The following MTMR8 variants were observed in gnomAD, a reference collection of about 807,000 sequenced individuals.
MTMR8 encodes the protein phosphatidylinositol-3,5-bisphosphate 3-phosphatase MTMR8.
In MTMR8, 65 loss-of-function variants were observed where a neutral mutation model predicts 39.3. That is an observed-to-expected ratio of 1.65 (90% CI 1.35 to 2.03). The LOEUF is 2.03. Ranked by LOEUF, MTMR8 falls within the 30% of genes most tolerant of loss-of-function variation. MTMR8 has a pLI of 0.00. For missense variants in MTMR8, 777 were observed against 538.9 expected (o/e 1.44, Z -4.37); for synonymous variants, 245 against 185.2 (o/e 1.32, Z -2.62).
chrX:64,366,852 C>T (rs1923977077), intron 1 of MTMR8, among the ~76,000 whole-genome samples: 2 of 111,370 alleles, frequency 1.8e-5, no homozygotes, highest in African/African-American at 3.3e-5. Context: ...AATTGATAGA[C>T]CACTAGCAAG....
intron 1 of MTMR8, among the ~76,000 whole-genome samples, chrX:64,380,116 A>G (rs1050852505): frequency 8.9e-6 from 1 of 112,268 alleles, no homozygotes; most frequent in African/African-American, 3.2e-5. Context: ...TTTCAGTTAA[A>G]CCAGGGAACT....
In MTMR8 at chrX:64,368,790, T is replaced by A. The variant is rs772969825; in HGVS notation, c.25-9263A>T. Reference sequence around the variant, plus strand: ...TAATTAAACTAAAGAGCTTCTGCAATGCAAAAGAAACTACCATCAGAGTGA... The same window carrying A: ...TAATTAAACTAAAGAGCTTCTGCAAAGCAAAAGAAACTACCATCAGAGTGA... On this transcript the variant is annotated intron_variant, in intron 1 of 13. Transcript: ENST00000374852. Among the ~76,000 whole-genome samples, 50 of 112,015 alleles carry A rather than the reference T, an allele frequency of 4.5e-4. No individual in the cohort carries two copies. In the South Asian group the frequency reaches 9.7e-3, roughly 22 times the overall value.
At chrX:64,377,586 A>C (rs918184978) in intron 1 of MTMR8, among the ~76,000 whole-genome samples, 64 of 112,556 alleles carry the variant, frequency 5.7e-4, no homozygotes, top group African/African-American at 2.0e-3. Flanking sequence ...ATATTTACCC[A>C]ATGCCTGTAC....
chrX:64,321,242 G>T (rs1922636432), intron 12 of MTMR8, among the ~76,000 whole-genome samples: 1 of 111,954 alleles, frequency 8.9e-6, no homozygotes, highest in Non-Finnish European at 1.9e-5. Context: ...AGGAAACCCA[G>T]ATATTAGACT....
intron 7 of MTMR8, among the ~76,000 whole-genome samples, chrX:64,344,313 C>T (rs1923294747): frequency 9.0e-6 from 1 of 111,488 alleles, no homozygotes; most frequent in Non-Finnish European, 1.9e-5. Context: ...AAAAGGGATG[C>T]AGACTGAGCA....
intron 12 of MTMR8, among the ~76,000 whole-genome samples, chrX:64,283,109 T>C (rs1921019069): frequency 8.9e-6 from 1 of 111,751 alleles, no homozygotes; most frequent in African/African-American, 3.3e-5. Flanking sequence ...ACCTGGAATT[T>C]TGGGTCACTC....
intron 10 of MTMR8, among the ~76,000 whole-genome samples, chrX:64,332,326 G>A (rs754508392): frequency 6.3e-4 from 70 of 110,876 alleles, no homozygotes; most frequent in African/African-American, 2.0e-3. Flanking sequence ...CCCTATCATC[G>A]ACTGAAACAC....
At position 64,319,876 on chromosome X, in the gene MTMR8, C is replaced by T. The variant is rs1030822535; in HGVS notation, c.1481+8896G>A. On this transcript the variant is annotated intron_variant, in intron 12 of 13. Transcript: ENST00000374852. ...TTGTTCTTTTGGCTTGGGATTGACTCGGTGATGCGGGCTCTTTTTTGGTTC... is the reference window on the plus strand; with the variant it reads ...TTGTTCTTTTGGCTTGGGATTGACTTGGTGATGCGGGCTCTTTTTTGGTTC... 2.8e-4 allele frequency among the ~76,000 whole-genome samples: 31 copies of T among 110,970 alleles called. No individual in the cohort carries two copies. In the South Asian group the frequency reaches 3.9e-3, roughly 14 times the overall value.
intron 1 of MTMR8, among the ~76,000 whole-genome samples, chrX:64,387,914 C>T (rs770902216): frequency 2.7e-5 from 3 of 110,465 alleles, no homozygotes; most frequent in South Asian, 3.9e-4. Flanking sequence ...CCACTAGGTA[C>T]GGTACAGATT....
intron 6 of MTMR8, among the ~76,000 whole-genome samples, chrX:64,346,943 C>T (rs962830627): frequency 1.8e-5 from 2 of 111,369 alleles, no homozygotes; most frequent in Non-Finnish European, 3.8e-5. Context: ...TGACACTGTG[C>T]TAAATCCTTT....
At chrX:64,320,200 C>T (rs1206365691) in intron 12 of MTMR8, among the ~76,000 whole-genome samples, 1 of 111,261 alleles carries the variant, frequency 9.0e-6, no homozygotes, top group Non-Finnish European at 1.9e-5. Context: ...ATTTGGCTCT[C>T]TGTTTATCTG....
At chrX:64,302,630 G>A (rs746927715) in intron 12 of MTMR8, among the ~76,000 whole-genome samples, 7 of 112,581 alleles carry the variant, frequency 6.2e-5, no homozygotes, top group Non-Finnish European at 9.4e-5. Context: ...TACAGGTTAG[G>A]AACCCATTAG....
intron 12 of MTMR8, among the ~76,000 whole-genome samples, chrX:64,308,537 T>C (rs1465732238): frequency 9.1e-6 from 1 of 110,421 alleles, no homozygotes; most frequent in Non-Finnish European, 1.9e-5. Flanking sequence ...ATTCAGAATA[T>C]AGTATCATCT....
intron 1 of MTMR8, among the ~76,000 whole-genome samples, chrX:64,387,671 G>C (rs1183362308): frequency 9.3e-6 from 1 of 107,270 alleles, no homozygotes; most frequent in Non-Finnish European, 1.9e-5. Context: ...TATGTGTGTG[G>C]GGTTGGGGGT....
chrX:64,304,920 A>ATG (rs1220093397), intron 12 of MTMR8: 15 of 87,419 alleles, frequency 1.7e-4, no homozygotes, highest in African/African-American at 5.3e-4. Flanking sequence ...ACATACATAT[A>ATG]TATATACACA....
intron 1 of MTMR8, among the ~76,000 whole-genome samples, chrX:64,366,965 G>T (rs948835606): frequency 9.0e-6 from 1 of 111,551 alleles, no homozygotes; most frequent in Admixed American, 9.5e-5. Flanking sequence ...TACCATCAGA[G>T]AATACTATAA....
chrX:64,302,227 G>A (rs1046583276), intron 12 of MTMR8, among the ~76,000 whole-genome samples: 1 of 112,609 alleles, frequency 8.9e-6, no homozygotes, highest in Non-Finnish European at 1.9e-5. Context: ...GATTCCGCGG[G>A]CGTAGGACCC....
chrX:64,274,217 C>T lies in MTMR8; in HGVS notation c.1482-3144G>A, dbSNP rs549909306. Reference sequence around the variant, plus strand: ...TCACATGTTAGGTCATAAAAGAGAGCTTATCAAATTTAAGAAGATTAAAAT... The same window carrying T: ...TCACATGTTAGGTCATAAAAGAGAGTTTATCAAATTTAAGAAGATTAAAAT... On this transcript the variant is annotated intron_variant, in intron 12 of 13. Coordinates refer to ENST00000374852, the MANE Select transcript of MTMR8 (RefSeq NM_017677.4). 1.1e-3 allele frequency among the ~76,000 whole-genome samples: 125 copies of T among 112,065 alleles called. 1 individual carries two copies. Among genetic ancestry groups the T allele is most frequent in the South Asian group, 0.01 (28 of 2,726 alleles).
intron 11 of MTMR8, among the ~76,000 whole-genome samples, chrX:64,330,779 T>C (rs1483911877): frequency 2.7e-5 from 3 of 111,932 alleles, no homozygotes; most frequent in Non-Finnish European, 5.6e-5. Context: ...ATGGAACAGC[T>C]ACTATTCAGC....
Sources: allele counts gnomAD v4.1 joint callset (sites outside exome capture counted in the v4.1 genomes callset), GRCh38; gene constraint gnomAD v4.1.1; transcripts MANE v1.5; gene names NCBI Gene and HGNC (gene_info 2026-07-23, HGNC 2026-07-21).